Variants in LINGO2 observed in about 807,000 individuals in gnomAD.
LINGO2 encodes the protein leucine rich repeat and Ig domain containing 2, also known as leucine-rich repeat and immunoglobulin-like domain-containing nogo receptor-interacting protein 2.
Under a neutral mutation model 30.6 loss-of-function variants are expected in LINGO2, and 14 were observed. That is an observed-to-expected ratio of 0.46 (90% CI 0.30 to 0.72). The LOEUF (loss-of-function observed/expected upper bound fraction) is 0.72. Among genes scored for constraint, LINGO2 ranks in the 30% least tolerant of loss-of-function variants. LINGO2 has a pLI of 0.07. For synonymous variants in LINGO2, 317 were observed against 288.5 expected (o/e 1.10, Z -1.00); for missense variants, 729 against 751.7 (o/e 0.97, Z 0.35).
At chr9:28,295,838 C>T (rs1271506089) in intron 3 of LINGO2, among the ~76,000 whole-genome samples, 1 of 152,092 alleles carries the variant, frequency 6.6e-6, no homozygotes, top group Non-Finnish European at 1.5e-5. Context: ...TCTGATGCTC[C>T]AGTCAATGTG....
At chr9:27,994,615 G>A (rs886410653) in intron 5 of LINGO2, among the ~76,000 whole-genome samples, 1 of 152,142 alleles carries the variant, frequency 6.6e-6, no homozygotes, top group South Asian at 2.1e-4. Flanking sequence ...CTGTCAGAAC[G>A]TAGTTCGATG....
chr9:28,262,680 T>C (rs1030796430), intron 4 of LINGO2, among the ~76,000 whole-genome samples: 14 of 150,944 alleles, frequency 9.3e-5, no homozygotes, highest in Admixed American at 4.7e-4. Flanking sequence ...TAAAACAATG[T>C]AGAGCTTAAG....
chr9:28,032,226 TA>T (rs1823714971), intron 4 of LINGO2, among the ~76,000 whole-genome samples: 1 of 152,032 alleles, frequency 6.6e-6, no homozygotes, highest in Non-Finnish European at 1.5e-5. Flanking sequence ...TACAACATGA[TA>T]AAAACCCAGG....
the LINGO2 span, among the ~76,000 whole-genome samples, chr9:28,910,744 G>T: frequency 6.6e-6 from 1 of 151,958 alleles, no homozygotes; most frequent in African/African-American, 2.4e-5. Flanking sequence ...GAAGAACCAT[G>T]AACCAATTAA....
intron 1 of LINGO2, among the ~76,000 whole-genome samples, chr9:28,572,182 C>T (rs1198400229): frequency 6.6e-6 from 1 of 152,028 alleles, no homozygotes; most frequent in Non-Finnish European, 1.5e-5. Context: ...CTCTTCCCCT[C>T]TTCATAACTC....
chr9:28,466,050 A>C (rs1825287522), intron 2 of LINGO2, among the ~76,000 whole-genome samples: 1 of 151,960 alleles, frequency 6.6e-6, no homozygotes, highest in South Asian at 2.1e-4. Context: ...AGAACAGTTC[A>C]GAGGTTTCAA....
At chr9:29,168,823 A>T in the LINGO2 span, among the ~76,000 whole-genome samples, 7,253 of 152,318 alleles carry the variant, frequency 0.048, 557 homozygotes, top group African/African-American at 0.16. Flanking sequence ...AGGAAACTTT[A>T]GTCTGCTCCC....
the LINGO2 span, among the ~76,000 whole-genome samples, chr9:28,954,776 G>A: frequency 5.9e-5 from 9 of 152,186 alleles, no homozygotes; most frequent in Admixed American, 3.3e-4. Context: ...TGAAGTGTTA[G>A]AGTGTTTCTA....
chr9:28,102,435 T>C (rs1040294786), intron 4 of LINGO2, among the ~76,000 whole-genome samples: 2 of 152,176 alleles, frequency 1.3e-5, no homozygotes, highest in Admixed American at 1.3e-4. Context: ...CTTTATTTTT[T>C]AAAACTCAAA....
At chr9:29,079,550 G>C in the LINGO2 span, among the ~76,000 whole-genome samples, 1 of 151,876 alleles carries the variant, frequency 6.6e-6, no homozygotes, top group Non-Finnish European at 1.5e-5. Context: ...ACCTAAAGTA[G>C]GCCAATATCA....
intron 4 of LINGO2, among the ~76,000 whole-genome samples, chr9:28,137,135 T>G (rs767118961): frequency 6.6e-6 from 1 of 151,724 alleles, no homozygotes; most frequent in Non-Finnish European, 1.5e-5. Flanking sequence ...GCCTTTATAA[T>G]CTTGTGAGCC....
the LINGO2 span, among the ~76,000 whole-genome samples, chr9:28,878,847 T>G: frequency 1.3e-5 from 2 of 152,114 alleles, no homozygotes; most frequent in East Asian, 3.9e-4. Context: ...CTCAAAATAA[T>G]AAGGGCTATC....
intron 2 of LINGO2, among the ~76,000 whole-genome samples, chr9:28,374,228 A>ATATATATATG (rs1554713032): frequency 6.8e-6 from 1 of 146,982 alleles, no homozygotes; most frequent in Non-Finnish European, 1.5e-5. Context: ...ATATATATAT[A>ATATATATATG]TATGTAATAT....
At chr9:28,227,179 A>G (rs561813422) in intron 4 of LINGO2, among the ~76,000 whole-genome samples, 37 of 152,232 alleles carry the variant, frequency 2.4e-4, no homozygotes, top group African/African-American at 8.2e-4. Context: ...AGAAACTTGA[A>G]GCTCTGATAA....
At chr9:28,745,881 T>A in the LINGO2 span, among the ~76,000 whole-genome samples, 1 of 151,422 alleles carries the variant, frequency 6.6e-6, no homozygotes, top group African/African-American at 2.4e-5. Flanking sequence ...TTGGACTAAA[T>A]CACTTCTAAA....
intron 1 of LINGO2, among the ~76,000 whole-genome samples, chr9:28,543,066 C>A (rs908171761): frequency 2.0e-5 from 3 of 152,020 alleles, no homozygotes; most frequent in Admixed American, 2.0e-4. Context: ...GATCTGGGAG[C>A]AGGCATTTCT....
intron 1 of LINGO2, among the ~76,000 whole-genome samples, chr9:28,627,415 T>A (rs1421795354): frequency 6.6e-6 from 1 of 152,044 alleles, no homozygotes; most frequent in African/African-American, 2.4e-5. Context: ...CTTTCCTTAC[T>A]TACCATCTGC....
At chr9:28,370,452 T>A (rs1254791774) in intron 3 of LINGO2, among the ~76,000 whole-genome samples, 1 of 152,146 alleles carries the variant, frequency 6.6e-6, no homozygotes, top group Non-Finnish European at 1.5e-5. Context: ...ATGAGTGGAA[T>A]TCACTGAGTT....
intron 5 of LINGO2, among the ~76,000 whole-genome samples, chr9:27,979,471 C>T (rs865775220): frequency 3.3e-5 from 5 of 151,960 alleles, no homozygotes; most frequent in South Asian, 4.1e-4. Flanking sequence ...CTAAAGGAAC[C>T]AAACTGGGTA....
Sources: allele counts gnomAD v4.1 joint callset (sites outside exome capture counted in the v4.1 genomes callset), GRCh38; gene constraint gnomAD v4.1.1; transcripts MANE v1.5; gene names NCBI Gene and HGNC (gene_info 2026-07-23, HGNC 2026-07-21).